MAP2K1: variants seen among roughly 807,000 people sequenced by gnomAD.
MAP2K1 encodes the protein mitogen-activated protein kinase kinase 1.
A neutral mutation model predicts 46.3 loss-of-function variants in MAP2K1; 16 were observed. The observed-to-expected ratio is 0.35, with a 90% CI of 0.23 to 0.52. The LOEUF is 0.52. MAP2K1 is among the 20% of genes least tolerant of loss of function. The probability of loss-of-function intolerance (pLI) is 0.94; values close to 1 mark genes in which losing one functional copy is unlikely to be tolerated. For missense variants in MAP2K1, 263 were observed against 497.1 expected, an observed-to-expected ratio of 0.53 and a Z score of 4.48; for synonymous variants, 183 against 185.6, an observed-to-expected ratio of 0.99 and a Z score of 0.11.
Position 66,490,672 on chromosome 15 carries a change from T to C in MAP2K1, c.*57T>C, listed in dbSNP as rs978417415. ...TGCCCGGTGGTTTGCCATGTCGCTT[T>C]TGGGCCTCCTTCCCATGCCTGTCTC... On this transcript the variant is annotated 3_prime_UTR_variant, in exon 11 of 11. Coordinates refer to ENST00000307102, the MANE Select transcript of MAP2K1 (RefSeq NM_002755.4). 3 of 1,263,132 alleles carry C rather than the reference T, an allele frequency of 2.4e-6. No homozygotes were observed. Among genetic ancestry groups the C allele is most frequent in the Admixed American group, 3.4e-5 (2 of 59,404 alleles). The allele number at this position is 1,263,132 out of a possible 1,614,324, so 78.2% of individuals were successfully genotyped here. A position where few individuals can be genotyped will look rare whatever the true frequency, so the allele number is the denominator to read the frequency against.
At chr15:66,466,464 A>C (rs1038010412) in intron 5 of MAP2K1, among the ~76,000 whole-genome samples, 1 of 152,066 alleles carries the variant, frequency 6.6e-6, no homozygotes, top group African/African-American at 2.4e-5. Flanking sequence ...GGATCACTTG[A>C]GGTCAGGAGT....
rs186135097 is a variant in MAP2K1, at chr15:66,403,358, G to C, written c.80+15931G>C. On this transcript the variant is annotated intron_variant, in intron 1 of 10. Coordinates refer to ENST00000307102, the MANE Select transcript of MAP2K1 (RefSeq NM_002755.4). ...ACTCTCCTAGGTGGTTGAGGGAAAA[G>C]AGAATAAAGAAAAGTTGTGGGGTTG... Among the ~76,000 whole-genome samples the C allele has an allele frequency of 1.6e-3, 237 of 152,268 alleles. 1 individual carries two copies. Among genetic ancestry groups the C allele is most frequent in the African/African-American group, 5.4e-3 (226 of 41,556 alleles).
At chr15:66,440,177 T>G (rs940767791) in intron 3 of MAP2K1, among the ~76,000 whole-genome samples, 6 of 152,012 alleles carry the variant, frequency 3.9e-5, no homozygotes, top group African/African-American at 1.4e-4. Flanking sequence ...CTGCAACCTC[T>G]GCCTCCTGGG....
intron 1 of MAP2K1, among the ~76,000 whole-genome samples, chr15:66,433,950 T>C (rs2093480996): frequency 6.6e-6 from 1 of 152,250 alleles, no homozygotes; most frequent in Non-Finnish European, 1.5e-5. Context: ...CACAGCATGC[T>C]GAATGCACTG....
chr15:66,406,535 C>G (rs2093397175), intron 1 of MAP2K1, among the ~76,000 whole-genome samples: 1 of 152,192 alleles, frequency 6.6e-6, no homozygotes, highest in South Asian at 2.1e-4. Flanking sequence ...GTATAACTAA[C>G]AGACTCATGG....
Position 66,490,360 on chromosome 15 carries a change from C to G in MAP2K1, c.1069-142C>G, listed in dbSNP as rs754961763. 3.0e-4 allele frequency: 228 copies of G among 753,908 alleles called. 1 individual carries two copies. The highest frequency in any genetic ancestry group is 4.9e-4 in the Non-Finnish European group (201 of 414,366). 46.7% of individuals were successfully genotyped at this position (753,908 alleles called of 1,614,324 possible). On this transcript the variant is annotated intron_variant, in intron 10 of 10. Transcript: ENST00000307102. ...GTCTTTGGGCCTGCAGCTGGCCCCA[C>G]TGTTGCTCAGGGGCAGGTGCCAGGT...
rs1468318378 is a variant in MAP2K1, at chr15:66,444,667, C to G, written c.528C>G (p.Gly176=). ...TCCCTTTCCTCTAGGTAATAAAAGG[C>G]CTGACATATCTGAGGGAGAAGCACA... ...LGKVSIAVIK[G]LTYLREKHKI... Residue 176 remains glycine, a synonymous_variant, in exon 5 of 11, where the codon GGC becomes GGG. Coordinates refer to ENST00000307102, the MANE Select transcript of MAP2K1 (RefSeq NM_002755.4). 3 of 1,610,426 alleles carry G rather than the reference C, an allele frequency of 1.9e-6. No individual in the cohort carries two copies. The Admixed American group carries it at 5.0e-5, about 27-fold the overall frequency.
Position 66,411,288 on chromosome 15 carries a change from T to C in MAP2K1, c.81-23739T>C, listed in dbSNP as rs540674326. ...GTTATTAGGTTGTAAATGACTATGGTAGGTACAGATGTCATGAATATACTA... is the reference window on the plus strand; with the variant it reads ...GTTATTAGGTTGTAAATGACTATGGCAGGTACAGATGTCATGAATATACTA... On this transcript the variant is annotated intron_variant, in intron 1 of 10. Coordinates refer to ENST00000307102, the MANE Select transcript of MAP2K1 (RefSeq NM_002755.4). 9.5e-3 allele frequency among the ~76,000 whole-genome samples: 1,447 copies of C among 152,210 alleles called. 8 individuals carry two copies. The highest frequency in any genetic ancestry group is 0.031 in the Middle Eastern group (9 of 294).
intron 8 of MAP2K1, 120 bp downstream of exon 8, chr15:66,487,412 G>A: frequency 1.1e-6 from 1 of 929,236 alleles, no homozygotes; most frequent in Non-Finnish European, 1.8e-6. Flanking sequence ...GCTGAGGCGG[G>A]TGGATCACAC....
intron 5 of MAP2K1, among the ~76,000 whole-genome samples, chr15:66,445,566 A>G (rs1891848143): frequency 6.6e-6 from 1 of 152,260 alleles, no homozygotes; most frequent in South Asian, 2.1e-4. Flanking sequence ...TCTTGTAGAA[A>G]CAACTGAAAT....
chr15:66,417,910 T>A (rs1462726033), intron 1 of MAP2K1, among the ~76,000 whole-genome samples: 5 of 152,208 alleles, frequency 3.3e-5, no homozygotes, highest in Non-Finnish European at 7.3e-5. Context: ...TTCTGGGCAC[T>A]GGCTACTGAC....
rs1454089910 is a variant in MAP2K1 at position 66,387,241 on chromosome 15, C to G, written c.-107C>G. 6 of 935,924 alleles carry G rather than the reference C, an allele frequency of 6.4e-6. No homozygotes were observed. The highest frequency in any genetic ancestry group is 5.2e-5 in the African/African-American group (3 of 57,382). The allele number at this position is 935,924 out of a possible 1,614,324, so 58.0% of individuals were successfully genotyped here. On this transcript the variant is annotated 5_prime_UTR_variant, in exon 1 of 11. Transcript: ENST00000307102. The stretch of plus-strand genomic sequence containing the variant: ...ACCCGCTGAAGGCAGCCCCGGGGCC[C>G]GCGGCCCGGACTTGGTCCTGCGCAG...
chr15:66,468,658 C>T (rs538387722), intron 5 of MAP2K1, among the ~76,000 whole-genome samples: 14 of 152,140 alleles, frequency 9.2e-5, no homozygotes, highest in African/African-American at 2.9e-4. Context: ...TTTGGCTGGG[C>T]GCGGTGGCTC....
intron 1 of MAP2K1, among the ~76,000 whole-genome samples, chr15:66,426,321 T>G (rs1470649777): frequency 1.4e-5 from 2 of 146,704 alleles, no homozygotes; most frequent in Non-Finnish European, 3.0e-5. Flanking sequence ...ACTTGCCTGT[T>G]CCAACTTCAT....
chr15:66,397,005 T>C (rs1450288319), intron 1 of MAP2K1, among the ~76,000 whole-genome samples: 2 of 120,516 alleles, frequency 1.7e-5, no homozygotes, highest in Non-Finnish European at 3.4e-5. Context: ...CTTTTTTTTT[T>C]TTTTTTTTTT....
intron 5 of MAP2K1, 199 bp downstream of exon 5, chr15:66,444,906 C>T: frequency 1.7e-6 from 1 of 579,100 alleles, no homozygotes; most frequent in Admixed American, 3.0e-5. Flanking sequence ...CACCTATTGC[C>T]TATAGCTGTG....
chr15:66,442,449 C>T (rs2093506932), intron 3 of MAP2K1, among the ~76,000 whole-genome samples: 1 of 152,182 alleles, frequency 6.6e-6, no homozygotes, highest in Admixed American at 6.5e-5. Context: ...TCATGTTCAT[C>T]CTTTGAGTAA....
chr15:66,416,933 A>AT (rs1473741174), intron 1 of MAP2K1, among the ~76,000 whole-genome samples: 2 of 151,918 alleles, frequency 1.3e-5, no homozygotes, highest in Non-Finnish European at 2.9e-5. Flanking sequence ...AGCTTTTCTC[A>AT]TTTTATTTTG....
At chr15:66,469,891 G>A (rs1280425437) in intron 5 of MAP2K1, among the ~76,000 whole-genome samples, 1 of 150,098 alleles carries the variant, frequency 6.7e-6, no homozygotes, top group Non-Finnish European at 1.5e-5. Context: ...CCAAACCTAG[G>A]CTGTCATGAA....
Sources: gnomAD v4.1 joint callset for allele counts (sites outside exome capture counted in the v4.1 genomes callset) on GRCh38, gnomAD v4.1.1 for gene constraint, MANE v1.5 for transcripts, NCBI Gene and HGNC (gene_info 2026-07-23, HGNC 2026-07-21) for gene names.